Variants in KCNIP1 observed in about 807,000 individuals in gnomAD.
The protein encoded by KCNIP1 is A-type potassium channel modulatory protein KCNIP1.
Under a neutral mutation model 33.0 loss-of-function variants are expected in KCNIP1, and 18 were observed. The observed-to-expected ratio is 0.55, with a 90% CI of 0.38 to 0.81. KCNIP1 has a LOEUF of 0.81. Among genes scored for constraint, KCNIP1 ranks in the 30% least tolerant of loss-of-function variants. The pLI is 0.00. For missense variants in KCNIP1, 238 were observed against 271.6 expected, an observed-to-expected ratio of 0.88 and a Z score of 0.87; for synonymous variants, 93 against 98.3, an observed-to-expected ratio of 0.95 and a Z score of 0.32.
At chr5:170,617,892 C>G (rs765696742) in intron 1 of KCNIP1, among the ~76,000 whole-genome samples, 1 of 152,126 alleles carries the variant, frequency 6.6e-6, no homozygotes, top group South Asian at 2.1e-4. Flanking sequence ...ACTTTTCCTT[C>G]GAGGTAGGTG....
chr5:170,463,622 C>T (rs1011881365), intron 1 of KCNIP1, among the ~76,000 whole-genome samples: 3 of 152,096 alleles, frequency 2.0e-5, no homozygotes, highest in Admixed American at 1.3e-4. Context: ...TCCAAACTGA[C>T]GTCATGATAA....
chr5:170,398,250 C>G (rs886280928), intron 1 of KCNIP1, among the ~76,000 whole-genome samples: 1 of 152,214 alleles, frequency 6.6e-6, no homozygotes, highest in Middle Eastern at 3.4e-3. Flanking sequence ...GTTGGGAGGA[C>G]CTTAAAATTT....
chr5:170,694,190 T>C (rs1247357344), intron 1 of KCNIP1, among the ~76,000 whole-genome samples: 1 of 152,224 alleles, frequency 6.6e-6, no homozygotes, highest in Non-Finnish European at 1.5e-5. Flanking sequence ...GAAAGATGAC[T>C]ATTAAAAATA....
chr5:170,725,127 A>G (rs771674646), intron 5 of KCNIP1, among the ~76,000 whole-genome samples: 31 of 152,352 alleles, frequency 2.0e-4, no homozygotes, highest in Admixed American at 2.6e-4. Context: ...GAGAGTCAAA[A>G]AAACTAAAAG....
At chr5:170,541,564 T>C (rs1376046220) in intron 1 of KCNIP1, among the ~76,000 whole-genome samples, 1 of 152,236 alleles carries the variant, frequency 6.6e-6, no homozygotes, top group Non-Finnish European at 1.5e-5. Flanking sequence ...TGAGGCTGCA[T>C]ACTCCAGCCA....
At chr5:170,381,673 T>A (rs1309468508) in intron 1 of KCNIP1, among the ~76,000 whole-genome samples, 1 of 152,226 alleles carries the variant, frequency 6.6e-6, no homozygotes, top group Non-Finnish European at 1.5e-5. Flanking sequence ...CTCCAGCATG[T>A]CCTTCCTTCA....
At chr5:170,644,501 TCTCA>T (rs1368106127) in intron 1 of KCNIP1, among the ~76,000 whole-genome samples, 1 of 152,190 alleles carries the variant, frequency 6.6e-6, no homozygotes, top group Non-Finnish European at 1.5e-5. Flanking sequence ...AGCACCTGCA[TCTCA>T]CTCCAACTGG....
intron 1 of KCNIP1, among the ~76,000 whole-genome samples, chr5:170,534,976 C>CAGT (rs1024677415): frequency 2.6e-5 from 4 of 152,144 alleles, no homozygotes; most frequent in African/African-American, 9.7e-5. Flanking sequence ...CCTCCACAGG[C>CAGT]AGTAGCTGCT....
At position 170,729,397 on chromosome 5, in the gene KCNIP1, C is replaced by T. The variant is rs1452974802; in HGVS notation, c.436-3403C>T. The stretch of plus-strand genomic sequence containing the variant: ...CAGTAGACATTCATCTTAACAAAGG[C>T]AAGAGTCATATTCATCGTGCTTATC... On this transcript the variant is annotated intron_variant, in intron 5 of 7. Transcript: ENST00000328939. Among the ~76,000 whole-genome samples, 10 of 152,072 alleles carry T rather than the reference C, an allele frequency of 6.6e-5. No homozygotes were observed. In the East Asian group the frequency reaches 1.7e-3, roughly 26 times the overall value.
intron 1 of KCNIP1, among the ~76,000 whole-genome samples, chr5:170,490,503 G>T (rs1226007619): frequency 6.6e-6 from 1 of 152,130 alleles, no homozygotes; most frequent in African/African-American, 2.4e-5. Context: ...ATATAAAACT[G>T]GTTAGATCCA....
At chr5:170,532,348 A>G (rs527461626) in intron 1 of KCNIP1, among the ~76,000 whole-genome samples, 1 of 152,304 alleles carries the variant, frequency 6.6e-6, no homozygotes, top group South Asian at 2.1e-4. Flanking sequence ...TTTCCAGGCC[A>G]GGCAGTTTCT....
intron 1 of KCNIP1, among the ~76,000 whole-genome samples, chr5:170,513,289 G>A (rs1581258710): frequency 6.6e-6 from 1 of 152,170 alleles, no homozygotes; most frequent in African/African-American, 2.4e-5. Flanking sequence ...CAGAGAAGGT[G>A]AGTGGTTTGC....
rs1003653617 is a variant in KCNIP1 at position 170,489,550 on chromosome 5, C to T, written c.88+135586C>T. ...TCCCCTGCCTCCTCCCACTGGTGTG[C>T]ACCCACACCTTCAGACAGTTCTGAG... On this transcript the variant is annotated intron_variant, in intron 1 of 7. Transcript: ENST00000377360. This position sits in a 1 kb window ranked among gnomAD's most constrained non-coding sequence, Gnocchi z 4.3. Among the ~76,000 whole-genome samples the T allele has an allele frequency of 2.6e-5, 4 of 151,890 alleles. No individual in the cohort carries two copies. Among genetic ancestry groups the T allele is most frequent in the African/African-American group, 7.2e-5 (3 of 41,452 alleles).
At chr5:170,496,742 C>T (rs1217002420) in intron 1 of KCNIP1, among the ~76,000 whole-genome samples, 1 of 152,150 alleles carries the variant, frequency 6.6e-6, no homozygotes, top group Non-Finnish European at 1.5e-5. Context: ...GTCTCCACTG[C>T]CCCCGTCATT....
In KCNIP1 at chr5:170,532,452, T is replaced by C. The variant is rs1581281889; in HGVS notation, c.61+27819T>C. Among the ~76,000 whole-genome samples, 5 of 152,326 alleles carry C rather than the reference T, an allele frequency of 3.3e-5. No homozygotes were observed. The South Asian group carries it at 1.0e-3, about 32-fold the overall frequency. On this transcript the variant is annotated intron_variant, in intron 1 of 7. Coordinates refer to ENST00000328939, the MANE Select transcript of KCNIP1 (RefSeq NM_014592.4). ...CCCCTCATCTCAGATCACAGGCCCA[T>C]GCTGACTCCAGGAGTATTCTTGTAT... is the stretch of plus-strand genomic sequence containing the variant.
chr5:170,515,473 T>A (rs1468860940), intron 1 of KCNIP1, among the ~76,000 whole-genome samples: 2 of 152,234 alleles, frequency 1.3e-5, no homozygotes, highest in Non-Finnish European at 2.9e-5. Context: ...TAGAGTTATG[T>A]TGGACACAGT....
intron 1 of KCNIP1, among the ~76,000 whole-genome samples, chr5:170,380,730 C>A (rs1008503828): frequency 7.9e-5 from 12 of 152,216 alleles, no homozygotes; most frequent in African/African-American, 2.9e-4. Flanking sequence ...GGGGCCTGGC[C>A]TGAGTCTCTC....
At chr5:170,524,942 G>A (rs887184038) in intron 1 of KCNIP1, among the ~76,000 whole-genome samples, 2 of 152,192 alleles carry the variant, frequency 1.3e-5, no homozygotes, top group Admixed American at 6.5e-5. Context: ...GAAGTGGGTT[G>A]GAGCAGGAGA....
chr5:170,734,428 C>A (rs1161213557), intron 7 of KCNIP1, among the ~76,000 whole-genome samples: 1 of 152,106 alleles, frequency 6.6e-6, no homozygotes, highest in Non-Finnish European at 1.5e-5. Flanking sequence ...AAACAATATC[C>A]TTGATGATTT....
Sources: gnomAD v4.1 joint callset for allele counts (sites outside exome capture counted in the v4.1 genomes callset) on GRCh38, gnomAD v4.1.1 for gene constraint, Gnocchi (gnomAD v3.1) non-coding constraint, MANE v1.5 for transcripts, NCBI Gene and HGNC (gene_info 2026-07-23, HGNC 2026-07-21) for gene names.